TEAD1: variants seen among roughly 807,000 people sequenced by gnomAD.
TEAD1 encodes TEA domain transcription factor 1.
A neutral mutation model predicts 54.9 loss-of-function variants in TEAD1; 9 were observed. The ratio of observed to expected loss-of-function variants is 0.16; its 90% CI spans 0.10 to 0.29. The LOEUF (loss-of-function observed/expected upper bound fraction) is 0.29, where lower values mean the gene tolerates loss of function less well. Ranked by LOEUF, TEAD1 falls within the 10% of genes least tolerant of loss-of-function variation. The probability of loss-of-function intolerance (pLI) is 1.00; values close to 1 mark genes in which losing one functional copy is unlikely to be tolerated. For synonymous variants in TEAD1, 200 were observed against 187.8 expected, an observed-to-expected ratio of 1.07 and a Z score of -0.53; for missense variants, 387 against 535.9, an observed-to-expected ratio of 0.72 and a Z score of 2.74.
At chr11:12,876,963 G>T (rs1018107615) in intron 5 of TEAD1, among the ~76,000 whole-genome samples, 2 of 152,108 alleles carry the variant, frequency 1.3e-5, no homozygotes, top group African/African-American at 4.8e-5. Context: ...GCATGTGTGG[G>T]CCCAGTTTGT....
intron 2 of TEAD1, among the ~76,000 whole-genome samples, chr11:12,708,574 CA>C (rs1943868489): frequency 1.3e-5 from 2 of 151,904 alleles, no homozygotes; most frequent in African/African-American, 4.8e-5. Flanking sequence ...ATTAAAGTGT[CA>C]AATGTGCATA....
chr11:12,754,743 C>A (rs937731584), intron 2 of TEAD1, among the ~76,000 whole-genome samples: 1 of 152,118 alleles, frequency 6.6e-6, no homozygotes, highest in African/African-American at 2.4e-5. Context: ...TTGGCCTTCG[C>A]AGTTTAGCTC....
intron 2 of TEAD1, among the ~76,000 whole-genome samples, chr11:12,688,500 A>G (rs1169421178): frequency 1.3e-5 from 2 of 152,062 alleles, no homozygotes; most frequent in Non-Finnish European, 2.9e-5. Flanking sequence ...ACTTGCTTGT[A>G]CCTTCTTAGT....
intron 3 of TEAD1, among the ~76,000 whole-genome samples, chr11:12,769,439 A>T (rs781472298): frequency 1.3e-5 from 2 of 152,208 alleles, no homozygotes; most frequent in Non-Finnish European, 2.9e-5. Context: ...GTATGTATTG[A>T]TTAGTCAGTA....
chr11:12,703,268 A>G (rs1246377991), intron 2 of TEAD1, among the ~76,000 whole-genome samples: 1 of 152,184 alleles, frequency 6.6e-6, no homozygotes, highest in African/African-American at 2.4e-5. Context: ...TTCCCTTAGC[A>G]GAGGATGGGG....
Position 12,764,228 on chromosome 11 carries a change from C to T in TEAD1, c.-5C>T, listed in dbSNP as rs568090945. ...GGCTTCGGCTTGGAAAATCCCACCG[C>T]CAAAATTGAGCCCAGCAGCTGGAGC... On this transcript the variant is annotated 5_prime_UTR_variant, in exon 3 of 13. Transcript: ENST00000527636. 6.2e-7 allele frequency: 1 copy of T among 1,612,790 alleles called. No homozygotes were observed. Among genetic ancestry groups the T allele is most frequent in the South Asian group, 1.1e-5 (1 of 90,786 alleles).
Position 12,944,349 on chromosome 11 carries a change from T to C in TEAD1, c.*7127T>C, listed in dbSNP as rs770954135. 1 of 152,618 alleles carries C rather than the reference T, an allele frequency of 6.6e-6. No individual in the cohort carries two copies. The highest frequency in any genetic ancestry group is 6.5e-5 in the Admixed American group (1 of 15,278). The allele number at this position is 152,618 out of a possible 1,614,324, so 9.5% of individuals were successfully genotyped here. ...CAGTATTCTTGTATTTGTTAACGTCTGTGTTTAGGTACTGGTACCTTTTTG... is the reference window on the plus strand; with the variant it reads ...CAGTATTCTTGTATTTGTTAACGTCCGTGTTTAGGTACTGGTACCTTTTTG... On this transcript the variant is annotated 3_prime_UTR_variant, in exon 13 of 13. Coordinates refer to ENST00000527636, the MANE Select transcript of TEAD1 (RefSeq NM_021961.6).
intron 2 of TEAD1, among the ~76,000 whole-genome samples, chr11:12,688,230 A>C (rs935375037): frequency 6.6e-6 from 1 of 152,076 alleles, no homozygotes; most frequent in African/African-American, 2.4e-5. Context: ...GGCAGCTGGC[A>C]GAAGAGAGTT....
At position 12,857,574 on chromosome 11, in the gene TEAD1, G is replaced by T. The variant is rs1036560392; in HGVS notation, c.203-4676G>T. Among the ~76,000 whole-genome samples the T allele has an allele frequency of 2.4e-5, 3 of 125,818 alleles. No individual in the cohort carries two copies. The Admixed American group carries it at 2.5e-4, about 10-fold the overall frequency. The allele number at this position is 125,818 out of a possible 152,430, so 82.5% of individuals were successfully genotyped here. The stretch of plus-strand genomic sequence containing the variant: ...CTGAATCAAGCATCTCTCTCTCTCT[G>T]TCTCTGTGTGTGTGTGTGTGTGTGT... On this transcript the variant is annotated intron_variant, in intron 3 of 12. Coordinates refer to ENST00000527636, the MANE Select transcript of TEAD1 (RefSeq NM_021961.6).
chr11:12,767,436 G>T (rs914267477), intron 3 of TEAD1, among the ~76,000 whole-genome samples: 5 of 152,196 alleles, frequency 3.3e-5, no homozygotes, highest in South Asian at 2.1e-4. Context: ...ACTTGAAAGG[G>T]TTATGGTTAT....
At chr11:12,752,517 G>A (rs1243063119) in intron 2 of TEAD1, among the ~76,000 whole-genome samples, 1 of 152,180 alleles carries the variant, frequency 6.6e-6, no homozygotes, top group Non-Finnish European at 1.5e-5. Context: ...AACGGACGCA[G>A]ACAGTATAGT....
At chr11:12,711,518 G>C (rs1943939163) in intron 2 of TEAD1, among the ~76,000 whole-genome samples, 1 of 152,088 alleles carries the variant, frequency 6.6e-6, no homozygotes, top group African/African-American at 2.4e-5. Flanking sequence ...TTTCCCCAGG[G>C]GTCCCTGGCT....
intron 11 of TEAD1, among the ~76,000 whole-genome samples, chr11:12,925,852 T>C (rs559210253): frequency 3.9e-5 from 6 of 152,356 alleles, no homozygotes; most frequent in Admixed American, 6.5e-5. Flanking sequence ...GAAACCATGA[T>C]ACCTTGAGTT....
At chr11:12,842,890 A>G (rs1947068705) in intron 3 of TEAD1, among the ~76,000 whole-genome samples, 1 of 152,242 alleles carries the variant, frequency 6.6e-6, no homozygotes, top group African/African-American at 2.4e-5. Context: ...AAACTTAAAA[A>G]ATCTAAAATG....
chr11:12,898,526 C>T (rs1010658780), intron 9 of TEAD1, among the ~76,000 whole-genome samples: 1 of 151,834 alleles, frequency 6.6e-6, no homozygotes, highest in Non-Finnish European at 1.5e-5. Flanking sequence ...TCCCGAGTAG[C>T]TGGGATTACA....
At chr11:12,694,648 T>C (rs1943540523) in intron 2 of TEAD1, among the ~76,000 whole-genome samples, 1 of 152,214 alleles carries the variant, frequency 6.6e-6, no homozygotes, top group African/African-American at 2.4e-5. Flanking sequence ...TCACTGTTGC[T>C]TTGTGCTTTA....
intron 5 of TEAD1, among the ~76,000 whole-genome samples, chr11:12,875,642 G>A (rs1947840118): frequency 1.3e-5 from 2 of 152,192 alleles, no homozygotes; most frequent in Non-Finnish European, 2.9e-5. Context: ...CAAAAGGTAG[G>A]AAATCACTGG....
intron 12 of TEAD1, among the ~76,000 whole-genome samples, chr11:12,934,183 T>C (rs1396590359): frequency 6.6e-6 from 1 of 152,182 alleles, no homozygotes; most frequent in South Asian, 2.1e-4. Context: ...GTGGCACATA[T>C]ACATCATGGA....
chr11:12,737,028 T>C (rs1944547807), intron 2 of TEAD1, among the ~76,000 whole-genome samples: 1 of 152,208 alleles, frequency 6.6e-6, no homozygotes, highest in Non-Finnish European at 1.5e-5. Flanking sequence ...GCAGTCCAGC[T>C]GTAAGCCAGG....
Sources: allele counts gnomAD v4.1 joint callset (sites outside exome capture counted in the v4.1 genomes callset), GRCh38; gene constraint gnomAD v4.1.1; transcripts MANE v1.5; gene names NCBI Gene and HGNC (gene_info 2026-07-23, HGNC 2026-07-21).